Variants in LRRN3 observed in about 807,000 individuals in gnomAD.
LRRN3 encodes the protein leucine rich repeat neuronal 3.
Under a neutral mutation model 40.1 loss-of-function variants are expected in LRRN3, and 15 were observed. The ratio of observed to expected loss-of-function variants is 0.37; its 90% confidence interval spans 0.25 to 0.58. LRRN3 has a LOEUF of 0.58. Ranked by LOEUF, LRRN3 falls within the 20% of genes least tolerant of loss-of-function variation. LRRN3 has a pLI of 0.72. For missense variants in LRRN3, 746 were observed against 837.7 expected, an observed-to-expected ratio of 0.89 and a Z score of 1.35; for synonymous variants, 308 against 297.2, an observed-to-expected ratio of 1.04 and a Z score of -0.37.
intron 2 of LRRN3, among the ~76,000 whole-genome samples, chr7:111,115,788 C>T (rs909020663): frequency 5.3e-5 from 8 of 152,074 alleles, no homozygotes; most frequent in Non-Finnish European, 1.0e-4. Flanking sequence ...GTGCCTCAGC[C>T]TCCCGAGTAG....
chr7:111,096,762 A>C (rs957002291), intron 1 of LRRN3, among the ~76,000 whole-genome samples: 2 of 151,958 alleles, frequency 1.3e-5, no homozygotes, highest in African/African-American at 4.8e-5. Flanking sequence ...GTGTCAACAT[A>C]AAAGCAACTT....
intron 2 of LRRN3, among the ~76,000 whole-genome samples, chr7:111,109,405 G>T (rs1475813000): frequency 6.6e-6 from 1 of 152,040 alleles, no homozygotes; most frequent in Non-Finnish European, 1.5e-5. Context: ...ACTGTGCAAA[G>T]AAGACAAGTC....
chr7:111,092,589 A>G (rs1298794872), intron 1 of LRRN3, among the ~76,000 whole-genome samples: 1 of 152,176 alleles, frequency 6.6e-6, no homozygotes, highest in Non-Finnish European at 1.5e-5. Flanking sequence ...TATTACTGAT[A>G]TATTTCTCAT....
At chr7:111,110,857 G>A (rs111390784) in intron 2 of LRRN3, among the ~76,000 whole-genome samples, 5 of 152,072 alleles carry the variant, frequency 3.3e-5, no homozygotes. Context: ...AAATTTAAGG[G>A]ATTCCAGATC....
intron 2 of LRRN3, among the ~76,000 whole-genome samples, chr7:111,107,456 T>C (rs1210926062): frequency 6.6e-6 from 1 of 152,038 alleles, no homozygotes; most frequent in African/African-American, 2.4e-5. Context: ...TTCTGGATAG[T>C]TCTTTGTATA....
At chr7:111,117,726 G>A (rs992740143) in intron 2 of LRRN3, among the ~76,000 whole-genome samples, 1 of 152,036 alleles carries the variant, frequency 6.6e-6, no homozygotes, top group African/African-American at 2.4e-5. Flanking sequence ...GATAGTGGGA[G>A]AATAGAATTT....
chr7:111,108,604 G>T (rs1354125919), intron 2 of LRRN3, among the ~76,000 whole-genome samples: 1 of 152,060 alleles, frequency 6.6e-6, no homozygotes, highest in African/African-American at 2.4e-5. Flanking sequence ...TGGCTTAGAA[G>T]AAATTTATGA....
chr7:111,096,592 T>G (rs552873371), intron 1 of LRRN3, among the ~76,000 whole-genome samples: 1 of 151,354 alleles, frequency 6.6e-6, no homozygotes, highest in Admixed American at 6.6e-5. Flanking sequence ...TACTCATCCA[T>G]ATGTTTGTCT....
Position 111,096,655 on chromosome 7 carries a change from G to GA in LRRN3, c.-440-3220dup, listed in dbSNP as rs555606020. Among the ~76,000 whole-genome samples, 23 of 151,758 alleles carry GA rather than the reference G, an allele frequency of 1.5e-4. No individual in the cohort carries two copies. The South Asian group carries it at 3.1e-3, about 21-fold the overall frequency. ...CACTTGGCAAAGGTCTCAAAAACTG[G>GA]AAAAAATGAGATGAGTAAATTATTT... On this transcript the variant is annotated intron_variant, in intron 1 of 2. Coordinates refer to ENST00000308478, the MANE Select transcript of LRRN3 (RefSeq NM_001099658.2).
intron 1 of LRRN3, among the ~76,000 whole-genome samples, chr7:111,091,841 GGA>G (rs1005608374): frequency 2.0e-5 from 3 of 151,862 alleles, no homozygotes; most frequent in Non-Finnish European, 4.4e-5. Flanking sequence ...AGGAGGAGAG[GGA>G]GAGAGAAGGA....
At position 111,122,973 on chromosome 7, in the gene LRRN3, G is replaced by T. The variant is rs771207807; in HGVS notation, c.201G>T (p.Leu67Phe). 7 of 1,613,988 alleles carry T rather than the reference G, an allele frequency of 4.3e-6. No homozygotes were observed. The Admixed American group carries it at 8.3e-5, about 19-fold the overall frequency. Residue 67 changes from leucine to phenylalanine, a missense_variant, in exon 3 of 3, where the codon TTG becomes TTT. Transcript: ENST00000308478. ...DLGLLTFPAR[L>F]PANTQILLLQ... ...GTCTTTTAACTTTCCCAGCCAGATT[G>T]CCAGCTAACACACAGATTCTTCTCC...
chr7:111,110,154 A>T (rs1353543476), intron 2 of LRRN3, among the ~76,000 whole-genome samples: 2 of 152,206 alleles, frequency 1.3e-5, no homozygotes, highest in Non-Finnish European at 2.9e-5. Flanking sequence ...AGTCTTTAGG[A>T]TCTGAACTAT....
intron 2 of LRRN3, among the ~76,000 whole-genome samples, chr7:111,110,250 T>C (rs1460792378): frequency 1.3e-5 from 2 of 152,194 alleles, no homozygotes; most frequent in Admixed American, 1.3e-4. Flanking sequence ...GGGAAAATGA[T>C]ATTCTTTTTC....
chr7:111,091,746 G>T (rs534023881), intron 1 of LRRN3, among the ~76,000 whole-genome samples: 2 of 152,070 alleles, frequency 1.3e-5, no homozygotes, highest in Non-Finnish European at 2.9e-5. Flanking sequence ...CCCATTAGAG[G>T]ATGTGAGTGG....
At chr7:111,117,084 CTAATT>C (rs1799967924) in intron 2 of LRRN3, among the ~76,000 whole-genome samples, 1 of 152,024 alleles carries the variant, frequency 6.6e-6, no homozygotes, top group Admixed American at 6.6e-5. Flanking sequence ...TGGCAGGTAA[CTAATT>C]TGATAGTCTT....
chr7:111,096,585 T>A (rs1797425145), intron 1 of LRRN3, among the ~76,000 whole-genome samples: 1 of 151,218 alleles, frequency 6.6e-6, no homozygotes, highest in Non-Finnish European at 1.5e-5. Flanking sequence ...TTCTACCTAC[T>A]CATCCATATG....
At chr7:111,103,589 T>C (rs1798217154) in intron 2 of LRRN3, among the ~76,000 whole-genome samples, 1 of 151,688 alleles carries the variant, frequency 6.6e-6, no homozygotes, top group Admixed American at 6.6e-5. Context: ...AGTAGTTCTA[T>C]TTTGTTCTGT....
rs1460485591 is a variant in LRRN3 at position 111,124,141 on chromosome 7, A to G, written c.1369A>G (p.Ile457Val). 6.2e-7 allele frequency: 1 copy of G among 1,614,020 alleles called. No homozygotes were observed. Among genetic ancestry groups the G allele is most frequent in the Non-Finnish European group, 8.5e-7 (1 of 1,179,988 alleles). Reference protein sequence around the residue: ...TAEPQPEIYWITPSGQKLLPN... With the variant: ...TAEPQPEIYWVTPSGQKLLPN... ...AGAACCACAGCCTGAAATCTACTGG[A>G]TAACACCTTCTGGTCAAAAACTCTT... Residue 457 changes from isoleucine (I) to valine (V), a missense_variant, in exon 3 of 3, where the codon ATA (isoleucine) becomes GTA (valine). By Grantham distance (29) the Ile-to-Val change is conservative. Coordinates refer to ENST00000308478, the MANE Select transcript of LRRN3 (RefSeq NM_001099658.2).
At position 111,123,634 on chromosome 7, in the gene LRRN3, G is replaced by C; in HGVS notation, c.862G>C (p.Glu288Gln). The change falls in exon 3 of 3, where the codon GAG becomes CAG. Residue 288 changes from glutamate (E) to glutamine (Q), a missense_variant. Physicochemically the swap from Glu to Gln is conservative, Grantham distance 29. Coordinates refer to ENST00000308478, the MANE Select transcript of LRRN3 (RefSeq NM_001099658.2). The surrounding 1 kb of genome is among the most constrained non-coding windows in gnomAD (Gnocchi z 6.4). ...GDFSNMLHLK[E>Q]LGINNMPELI... ...TTTTAGCAATATGCTACACTTAAAAGAGTTGGGGATAAATAATATGCCTGA... is the reference window on the plus strand; with the variant it reads ...TTTTAGCAATATGCTACACTTAAAACAGTTGGGGATAAATAATATGCCTGA... The C allele has an allele frequency of 4.3e-6, 7 of 1,613,800 alleles. No homozygotes were observed. Among genetic ancestry groups the C allele is most frequent in the Non-Finnish European group, 5.9e-6 (7 of 1,179,892 alleles).
Sources: gnomAD v4.1 joint callset for allele counts (sites outside exome capture counted in the v4.1 genomes callset) on GRCh38, gnomAD v4.1.1 for gene constraint, Gnocchi (gnomAD v3.1) non-coding constraint, MANE v1.5 for transcripts, NCBI Gene and HGNC (gene_info 2026-07-23, HGNC 2026-07-21) for gene names.